Variants in IL1RAPL2 observed in about 807,000 individuals in gnomAD.
The protein encoded by IL1RAPL2 is interleukin 1 receptor accessory protein like 2, also known as X-linked interleukin-1 receptor accessory protein-like 2.
Under a neutral mutation model 44.1 loss-of-function variants are expected in IL1RAPL2, and 3 were observed. That is an observed-to-expected ratio of 0.07 (90% CI 0.03 to 0.18). The LOEUF (loss-of-function observed/expected upper bound fraction) is 0.18. IL1RAPL2 is among the 10% of genes least tolerant of loss of function. The pLI is 1.00. For synonymous variants in IL1RAPL2, 181 were observed against 178.8 expected (o/e 1.01, Z -0.10); for missense variants, 391 against 496.4 (o/e 0.79, Z 2.02).
intron 6 of IL1RAPL2, among the ~76,000 whole-genome samples, chrX:105,712,516 T>C (rs1156763378): frequency 9.0e-6 from 1 of 111,431 alleles, no homozygotes; most frequent in Non-Finnish European, 1.9e-5. Flanking sequence ...CTAACAATTA[T>C]GGTGGAAGGT....
Position 105,187,694 on chromosome X carries a change from A to G in IL1RAPL2, c.83-7781A>G, listed in dbSNP as rs140696640. 6.6e-3 allele frequency among the ~76,000 whole-genome samples: 739 copies of G among 112,120 alleles called. 7 individuals are homozygous for G. Among genetic ancestry groups the G allele is most frequent in the African/African-American group, 0.023 (707 of 30,941 alleles). On this transcript the variant is annotated intron_variant, in intron 2 of 10. Coordinates refer to ENST00000372582, the MANE Select transcript of IL1RAPL2 (RefSeq NM_017416.2). The stretch of plus-strand genomic sequence containing the variant: ...GATCTAAAAATGTTGAACTTACAGA[A>G]GCAGAGACTAGAATGGTGGTTACAG...
At chrX:105,317,917 G>A (rs2034857925) in intron 5 of IL1RAPL2, among the ~76,000 whole-genome samples, 1 of 109,786 alleles carries the variant, frequency 9.1e-6, no homozygotes, top group African/African-American at 3.3e-5. Context: ...ATTAGAGTTG[G>A]GATTCAAAGT....
intron 5 of IL1RAPL2, among the ~76,000 whole-genome samples, chrX:105,438,630 G>A (rs969811766): frequency 2.7e-5 from 3 of 110,357 alleles, no homozygotes; most frequent in African/African-American, 9.9e-5. Context: ...AGATGGGCTC[G>A]TCTGTGATGA....
intron 1 of IL1RAPL2, among the ~76,000 whole-genome samples, chrX:104,579,121 A>G (rs1485735335): frequency 2.7e-5 from 3 of 111,912 alleles, no homozygotes; most frequent in Admixed American, 1.9e-4. Flanking sequence ...GGGTAGGGGC[A>G]GAGAACTGCT....
intron 2 of IL1RAPL2, among the ~76,000 whole-genome samples, chrX:105,078,885 G>A (rs181428713): frequency 5.4e-5 from 6 of 111,915 alleles, no homozygotes; most frequent in South Asian, 3.8e-4. Context: ...TTGGGAGGGC[G>A]CAGTATTAGG....
At chrX:104,900,796 G>C (rs1923790499) in intron 2 of IL1RAPL2, among the ~76,000 whole-genome samples, 1 of 112,059 alleles carries the variant, frequency 8.9e-6, no homozygotes, top group South Asian at 3.7e-4. Context: ...GCCAAAGCCA[G>C]CATCAGTGGA....
chrX:105,531,149 C>A (rs1339888920), intron 6 of IL1RAPL2, among the ~76,000 whole-genome samples: 5 of 110,991 alleles, frequency 4.5e-5, no homozygotes, highest in Non-Finnish European at 9.5e-5. Flanking sequence ...TTTTGAGGTG[C>A]CTAATTTACG....
At chrX:105,655,500 G>A (rs2037671293) in intron 6 of IL1RAPL2, among the ~76,000 whole-genome samples, 1 of 110,741 alleles carries the variant, frequency 9.0e-6, no homozygotes, top group Non-Finnish European at 1.9e-5. Context: ...GGACTTGTTT[G>A]GCTGCAAAAA....
chrX:104,894,271 C>A (rs947953461), intron 2 of IL1RAPL2, among the ~76,000 whole-genome samples: 1 of 111,240 alleles, frequency 9.0e-6, no homozygotes, highest in Non-Finnish European at 1.9e-5. Context: ...CTTGGAGTTG[C>A]TCTTCTCGAG....
intron 2 of IL1RAPL2, among the ~76,000 whole-genome samples, chrX:105,087,278 C>A (rs1365153030): frequency 9.0e-6 from 1 of 111,388 alleles, no homozygotes; most frequent in African/African-American, 3.3e-5. Context: ...ATGGGACTCA[C>A]AATACTTCTC....
At chrX:104,583,307 C>T (rs1928448915) in intron 1 of IL1RAPL2, among the ~76,000 whole-genome samples, 1 of 111,404 alleles carries the variant, frequency 9.0e-6, no homozygotes, top group African/African-American at 3.3e-5. Context: ...AGTATATTCA[C>T]AGAGTCATGC....
intron 2 of IL1RAPL2, among the ~76,000 whole-genome samples, chrX:105,192,146 A>T (rs1178633402): frequency 1.8e-5 from 2 of 112,390 alleles, no homozygotes; most frequent in Admixed American, 9.4e-5. Context: ...GCTGCATCAC[A>T]GATGTATTCA....
intron 2 of IL1RAPL2, among the ~76,000 whole-genome samples, chrX:104,800,432 G>A (rs1932877643): frequency 9.0e-6 from 1 of 111,465 alleles, no homozygotes; most frequent in African/African-American, 3.3e-5. Context: ...TCAGGCCTGT[G>A]ATATTCCAAA....
At chrX:104,945,592 C>G (rs1277087594) in intron 2 of IL1RAPL2, among the ~76,000 whole-genome samples, 1 of 111,748 alleles carries the variant, frequency 8.9e-6, no homozygotes, top group Non-Finnish European at 1.9e-5. Context: ...AATCATAGGG[C>G]AATGCGTGTC....
chrX:105,066,347 A>T (rs1381708085), intron 2 of IL1RAPL2, among the ~76,000 whole-genome samples: 1 of 111,315 alleles, frequency 9.0e-6, no homozygotes, highest in African/African-American at 3.3e-5. Context: ...TGATTTACTG[A>T]GTAACAGTTC....
intron 3 of IL1RAPL2, among the ~76,000 whole-genome samples, chrX:105,207,447 A>T (rs781821214): frequency 3.6e-5 from 4 of 111,799 alleles, no homozygotes; most frequent in African/African-American, 1.3e-4. Flanking sequence ...AGGTAAGCCC[A>T]TTTGTAACCC....
chrX:105,188,028 T>C (rs1334593521), intron 2 of IL1RAPL2, among the ~76,000 whole-genome samples: 1 of 111,602 alleles, frequency 9.0e-6, no homozygotes, highest in Non-Finnish European at 1.9e-5. Context: ...AAAAAGAATA[T>C]TGAAATAATC....
Position 104,789,061 on chromosome X carries a change from G to C in IL1RAPL2, c.82+130066G>C, listed in dbSNP as rs774478149. 2.7e-5 allele frequency among the ~76,000 whole-genome samples: 3 copies of C among 112,278 alleles called. No homozygotes were observed. The South Asian group carries it at 1.1e-3, about 42-fold the overall frequency. ...TCAATAAAAGCCGCCTTTCTTCTCAGCTTTTCTTTAGACACCTTTTCCAAT... is the reference window on the plus strand; with the variant it reads ...TCAATAAAAGCCGCCTTTCTTCTCACCTTTTCTTTAGACACCTTTTCCAAT... On this transcript the variant is annotated intron_variant, in intron 2 of 10. Transcript: ENST00000372582.
chrX:105,075,652 G>A (rs2032285398), intron 2 of IL1RAPL2, among the ~76,000 whole-genome samples: 1 of 112,025 alleles, frequency 8.9e-6, no homozygotes, highest in African/African-American at 3.2e-5. Flanking sequence ...GTGGAATTCA[G>A]CTGTGAATCC....
Sources: allele counts gnomAD v4.1 joint callset (sites outside exome capture counted in the v4.1 genomes callset), GRCh38; gene constraint gnomAD v4.1.1; transcripts MANE v1.5; gene names NCBI Gene and HGNC (gene_info 2026-07-23, HGNC 2026-07-21).